FANK1: variants seen among roughly 807,000 people sequenced by gnomAD.
The protein encoded by FANK1 is fibronectin type 3 and ankyrin repeat domains protein 1.
A neutral mutation model predicts 45.3 loss-of-function variants in FANK1; 44 were observed. The observed-to-expected ratio is 0.97, with a 90% CI of 0.76 to 1.25. The LOEUF is 1.25. Among genes scored for constraint, FANK1 ranks in the 50% most tolerant of loss-of-function variants. The pLI is 0.00. For synonymous variants in FANK1, 149 were observed against 152.5 expected (o/e 0.98, Z 0.17); for missense variants, 391 against 424.4 (o/e 0.92, Z 0.69).
intron 1 of FANK1, among the ~76,000 whole-genome samples, chr10:125,920,876 C>G (rs200251372): frequency 6.6e-6 from 1 of 152,232 alleles, no homozygotes; most frequent in Admixed American, 6.5e-5. Flanking sequence ...CCTATATGCA[C>G]TACTAACTAG....
intron 1 of FANK1, 136 bp downstream of exon 1, chr10:125,896,791 C>G: frequency 2.9e-6 from 2 of 695,340 alleles, no homozygotes; most frequent in Non-Finnish European, 3.7e-6. Flanking sequence ...TGCGTCTCCT[C>G]GCGCTTTTCT....
At chr10:125,925,784 T>C (rs1947306065) in intron 1 of FANK1, among the ~76,000 whole-genome samples, 1 of 152,142 alleles carries the variant, frequency 6.6e-6, no homozygotes. Context: ...AATGAGATTT[T>C]AACAATTTAT....
At chr10:125,963,698 A>G (rs1950053628) in intron 1 of FANK1, among the ~76,000 whole-genome samples, 1 of 152,174 alleles carries the variant, frequency 6.6e-6, no homozygotes, top group African/African-American at 2.4e-5. Flanking sequence ...AACAGTGAGA[A>G]CACTTGAACA....
At chr10:125,993,936 T>G (rs1029457156) in intron 3 of FANK1, among the ~76,000 whole-genome samples, 1 of 152,252 alleles carries the variant, frequency 6.6e-6, no homozygotes, top group African/African-American at 2.4e-5. Flanking sequence ...CCTTTTATTC[T>G]CCTGTCTCAC....
intron 1 of FANK1, among the ~76,000 whole-genome samples, chr10:125,912,254 TG>T (rs2134116461): frequency 6.6e-6 from 1 of 152,328 alleles, no homozygotes; most frequent in East Asian, 1.9e-4. Flanking sequence ...TAAACCTGTT[TG>T]TTTTACCATA....
In FANK1 at chr10:125,971,900, T is replaced by C. The variant is rs550007837; in HGVS notation, c.14-8261T>C. On this transcript the variant is annotated intron_variant, in intron 1 of 10. Coordinates refer to ENST00000368693, the MANE Select transcript of FANK1 (RefSeq NM_145235.5). Reference sequence around the variant, plus strand: ...GCCTCCGAAAGTAAAGTGCTGGGATTACAGGTGTGAGCCACTGCGCCCGGC... The same window carrying C: ...GCCTCCGAAAGTAAAGTGCTGGGATCACAGGTGTGAGCCACTGCGCCCGGC... 5.3e-5 allele frequency among the ~76,000 whole-genome samples: 8 copies of C among 152,300 alleles called. No homozygotes were observed. The South Asian group carries it at 8.3e-4, about 16-fold the overall frequency.
At chr10:125,911,918 A>G (rs922960618) in intron 1 of FANK1, among the ~76,000 whole-genome samples, 2 of 152,214 alleles carry the variant, frequency 1.3e-5, no homozygotes, top group African/African-American at 4.8e-5. Flanking sequence ...AGGAGATGAT[A>G]TACTCAACAG....
At chr10:125,927,257 A>C (rs1397712796) in intron 1 of FANK1, among the ~76,000 whole-genome samples, 1 of 152,162 alleles carries the variant, frequency 6.6e-6, no homozygotes, top group African/African-American at 2.4e-5. Context: ...GGAGGCACAC[A>C]TGCCACACCC....
intron 4 of FANK1, 32 bp downstream of exon 4, chr10:125,995,530 C>G: frequency 6.3e-7 from 1 of 1,593,666 alleles, no homozygotes; most frequent in Non-Finnish European, 8.6e-7. Flanking sequence ...TTTTTTTTCC[C>G]CCATGCCTAT....
chr10:125,935,385 A>G (rs1022066067), intron 1 of FANK1, among the ~76,000 whole-genome samples: 2 of 152,204 alleles, frequency 1.3e-5, no homozygotes, highest in Non-Finnish European at 2.9e-5. Flanking sequence ...GAATGAATAT[A>G]TGAATGACTT....
chr10:125,936,432 C>CAA lies in FANK1; in HGVS notation c.13+39799_13+39800dup, dbSNP rs11405392. On this transcript the variant is annotated intron_variant, in intron 1 of 10. Coordinates refer to ENST00000368693, the MANE Select transcript of FANK1 (RefSeq NM_145235.5). ...AACCCACTGGAGCGAGATGCTGTCT[C>CAA]AAAAAAAAAAAAAAAAAAAAAAATT... 8.2e-3 allele frequency among the ~76,000 whole-genome samples: 945 copies of CAA among 115,192 alleles called. 17 individuals are homozygous for CAA. Among genetic ancestry groups the CAA allele is most frequent in the African/African-American group, 0.027 (843 of 30,998 alleles). The allele number at this position is 115,192 out of a possible 152,430, so 75.6% of individuals were successfully genotyped here.
At chr10:125,906,530 A>AG (rs1251510600) in intron 1 of FANK1, among the ~76,000 whole-genome samples, 1 of 141,874 alleles carries the variant, frequency 7.0e-6, no homozygotes, top group East Asian at 2.0e-4. Flanking sequence ...AAAAAAAAAA[A>AG]AAAAAAAAAA....
intron 1 of FANK1, among the ~76,000 whole-genome samples, chr10:125,911,987 T>A (rs1476639653): frequency 6.6e-6 from 1 of 152,256 alleles, no homozygotes; most frequent in African/African-American, 2.4e-5. Flanking sequence ...TCTATCCATC[T>A]ATCAAGTTCC....
At chr10:125,952,058 A>C (rs1949269120) in intron 1 of FANK1, among the ~76,000 whole-genome samples, 2 of 152,134 alleles carry the variant, frequency 1.3e-5, no homozygotes, top group African/African-American at 4.8e-5. Context: ...CTTTGTGGGG[A>C]CAAGATGTGT....
At chr10:125,996,400 A>G (rs1345372723) in intron 4 of FANK1, 150 bp from the exon 5 acceptor site, 1 of 643,132 alleles carries the variant, frequency 1.6e-6, no homozygotes. Context: ...TTAGCAGTCT[A>G]AGACAAGAAA....
At chr10:125,943,244 C>T (rs907955712) in intron 1 of FANK1, among the ~76,000 whole-genome samples, 1 of 152,096 alleles carries the variant, frequency 6.6e-6, no homozygotes. Context: ...AGGAATCAGA[C>T]ATTTTTCATT....
chr10:125,965,156 CTAAA>C (rs1207226073), intron 1 of FANK1, among the ~76,000 whole-genome samples: 1 of 152,076 alleles, frequency 6.6e-6, no homozygotes, highest in Non-Finnish European at 1.5e-5. Context: ...AACTCCGTCT[CTAAA>C]TAAATAAATA....
intron 1 of FANK1, among the ~76,000 whole-genome samples, chr10:125,910,040 TA>T (rs112926788): frequency 0.019 from 2,741 of 148,102 alleles, 39 homozygotes; most frequent in South Asian, 0.034. Context: ...AGCACCAAGA[TA>T]AAAAAAAAAC....
At chr10:125,929,897 C>T (rs964048684) in intron 1 of FANK1, among the ~76,000 whole-genome samples, 3 of 152,154 alleles carry the variant, frequency 2.0e-5, no homozygotes, top group African/African-American at 4.8e-5. Context: ...AGGCAATTTA[C>T]GGCATACACC....
Sources: allele counts gnomAD v4.1 joint callset (sites outside exome capture counted in the v4.1 genomes callset), GRCh38; gene constraint gnomAD v4.1.1; transcripts MANE v1.5; gene names NCBI Gene and HGNC (gene_info 2026-07-23, HGNC 2026-07-21).